Variants in C11orf71 observed in about 807,000 individuals in gnomAD.
C11orf71 encodes the protein chromosome 11 open reading frame 71, also known as uncharacterized protein C11orf71.
For synonymous variants in C11orf71, 72 were observed against 73.4 expected, an observed-to-expected ratio of 0.98 and a Z score of 0.09; for missense variants, 179 against 167.6, an observed-to-expected ratio of 1.07 and a Z score of -0.38.
intron 1 of C11orf71, among the ~76,000 whole-genome samples, chr11:114,392,821 G>C (rs12293751): frequency 1.3e-5 from 2 of 150,420 alleles, no homozygotes; most frequent in Non-Finnish European, 3.0e-5. Context: ...CCCCGTGCCA[G>C]ATCTGCCCAC....
At chr11:114,396,591 G>C (rs1411289594), downstream of C11orf71, among the ~76,000 whole-genome samples, 3 of 152,148 alleles carry the variant, frequency 2.0e-5, no homozygotes, top group Non-Finnish European at 4.4e-5. Context: ...ATTACAAAAA[G>C]ATAACATAAA....
chr11:114,391,642 A>G (rs1946073262), exon 2 of C11orf71: 2 of 1,520,744 alleles, frequency 1.3e-6, no homozygotes, highest in African/African-American at 2.8e-5. Flanking sequence ...GCAGACTCAG[A>G]TAGCTTCAGG....
chr11:114,400,320 G>T lies in C11orf71; in HGVS notation c.12C>A (p.Asn4Lys). 1.2e-6 allele frequency: 2 copies of T among 1,606,388 alleles called. No individual in the cohort carries two copies. The highest frequency in any genetic ancestry group is 1.7e-4 in the Middle Eastern group (1 of 6,034). ...GATCACCGGAGGACAGGGACACATT[G>T]TTCAGGGCCATATTCAAACACTGCC... MAL[N>K]NVSLSSGDQR... The change falls in exon 1 of 1, where the codon AAC (asparagine) becomes AAA (lysine). Residue 4 changes from asparagine to lysine, a missense_variant. Asn to Lys is a moderately conservative substitution (Grantham distance 94). Coordinates refer to ENST00000623205, the MANE Select transcript of C11orf71 (RefSeq NM_001271562.2).
In C11orf71 at chr11:114,400,406, C is replaced by G; in HGVS notation, c.-75G>C. On this transcript the variant is annotated 5_prime_UTR_variant, in exon 1 of 1. Coordinates refer to ENST00000623205, the MANE Select transcript of C11orf71 (RefSeq NM_001271562.2). ...GCCCTTCGCGGCTCCCCAGATCAGT[C>G]CAGCCTGTGTCGGACCCGATGACTA... 1.3e-6 allele frequency: 2 copies of G among 1,488,552 alleles called. No individual in the cohort carries two copies. The highest frequency in any genetic ancestry group is 2.4e-5 in the East Asian group (1 of 41,538). The allele number at this position is 1,488,552 out of a possible 1,614,324, so 92.2% of individuals were successfully genotyped here.
downstream of C11orf71, among the ~76,000 whole-genome samples, chr11:114,394,198 CT>C (rs750976526): frequency 2.6e-4 from 11 of 41,758 alleles, no homozygotes; most frequent in East Asian, 2.1e-3. Flanking sequence ...CTTTTCTTTT[CT>C]TTTCTTTTCT....
downstream of C11orf71, among the ~76,000 whole-genome samples, chr11:114,394,228 C>CCTTTCTTTTCTTTTCTTTTCT (rs1946101542): frequency 3.1e-4 from 15 of 48,704 alleles, no homozygotes; most frequent in Non-Finnish European, 4.4e-4. Context: ...CTTTTCTTTT[C>CCTTTCTTTTCTTTTCTTTTCT]TTTCTTTTCT....
At position 114,400,508 on chromosome 11, in the gene C11orf71, G is replaced by A. The variant is rs1228619517; in HGVS notation, c.-177C>T. The A allele has an allele frequency of 7.8e-7, 1 of 1,285,096 alleles. No individual in the cohort carries two copies. 79.6% of individuals were successfully genotyped at this position (1,285,096 alleles called of 1,614,324 possible). ...CCTTTAACGAGGGGTATCCTGGCGA[G>A]CATGCGCAGACCGTCCGCGCACGTC... On this transcript the variant is annotated 5_prime_UTR_variant, in exon 1 of 1. Transcript: ENST00000623205.
chr11:114,392,629 G>A (rs1368924645), intron 1 of C11orf71, among the ~76,000 whole-genome samples: 1 of 151,412 alleles, frequency 6.6e-6, no homozygotes, highest in African/African-American at 2.4e-5. Context: ...TACTGGGGAG[G>A]CTGAGGTGGC....
rs1946179559 is a variant in C11orf71 at position 114,400,475 on chromosome 11, C to A, written c.-144G>T. ...ACTGAGCCTGCGGAAGAGCCAGAAG[C>A]CGCCTTGCCTTTAACGAGGGGTATC... On this transcript the variant is annotated 5_prime_UTR_variant, in exon 1 of 1. Coordinates refer to ENST00000623205, the MANE Select transcript of C11orf71 (RefSeq NM_001271562.2). 3.8e-6 allele frequency: 5 copies of A among 1,303,226 alleles called. No homozygotes were observed. Among genetic ancestry groups the A allele is most frequent in the Non-Finnish European group, 5.2e-6 (5 of 965,170 alleles). The allele number at this position is 1,303,226 out of a possible 1,614,324, so 80.7% of individuals were successfully genotyped here.
chr11:114,392,888 A>G (rs1946084168), intron 1 of C11orf71, among the ~76,000 whole-genome samples: 1 of 152,110 alleles, frequency 6.6e-6, no homozygotes, highest in Non-Finnish European at 1.5e-5. Context: ...TACTCCCTCC[A>G]CCACTACATA....
downstream of C11orf71, among the ~76,000 whole-genome samples, chr11:114,396,039 C>T (rs570007436): frequency 5.9e-5 from 9 of 152,252 alleles, no homozygotes; most frequent in East Asian, 1.7e-3. Flanking sequence ...TACTACAGGC[C>T]CGACCAATCG....
chr11:114,394,227 T>TTTCCTTTCCTTTC (rs1946101288), downstream of C11orf71, among the ~76,000 whole-genome samples: 10 of 42,320 alleles, frequency 2.4e-4, no homozygotes, highest in Non-Finnish European at 2.0e-4. Flanking sequence ...TCTTTTCTTT[T>TTTCCTTTCCTTTC]CTTTCTTTTC....
chr11:114,391,700 A>G, intron 1 of C11orf71: 2 of 1,015,330 alleles, frequency 2.0e-6, no homozygotes, highest in Non-Finnish European at 2.9e-6. Flanking sequence ...ATAAGATGGC[A>G]GGGAGTGGTG....
downstream of C11orf71, among the ~76,000 whole-genome samples, chr11:114,394,227 T>TCTTTCCTTTCCTTTC (rs1565256493): frequency 3.8e-4 from 16 of 42,324 alleles, 1 homozygote; most frequent in Admixed American, 5.2e-4. Context: ...TCTTTTCTTT[T>TCTTTCCTTTCCTTTC]CTTTCTTTTC....
At position 114,400,227 on chromosome 11, in the gene C11orf71, C is replaced by T; in HGVS notation, c.105G>A (p.Met35Ile). The T allele has an allele frequency of 6.2e-7, 1 of 1,612,276 alleles. No individual in the cohort carries two copies. The highest frequency in any genetic ancestry group is 8.5e-7 in the Non-Finnish European group (1 of 1,179,212). ...AAACGAGGAAGCCGTCTCCGGAGAC[C>T]ATCGCCAACGCTGACGCCCGCGGTC... is the stretch of plus-strand genomic sequence containing the variant. ...DLRPRASALA[M>I]VSGDGFLVSR... The change falls in exon 1 of 1, where the codon ATG becomes ATA. Residue 35 changes from methionine (M) to isoleucine (I), a missense_variant. By Grantham distance (10) the Met-to-Ile change is conservative. Coordinates refer to ENST00000623205, the MANE Select transcript of C11orf71 (RefSeq NM_001271562.2).
At chr11:114,394,270 T>TC (rs1946109327), downstream of C11orf71, among the ~76,000 whole-genome samples, 1 of 76,112 alleles carries the variant, frequency 1.3e-5, no homozygotes, top group African/African-American at 7.6e-5. Context: ...TTCTTTTCTT[T>TC]TCTTTTCTTT....
downstream of C11orf71, among the ~76,000 whole-genome samples, chr11:114,396,391 G>A (rs1267210339): frequency 6.6e-6 from 1 of 152,122 alleles, no homozygotes; most frequent in Non-Finnish European, 1.5e-5. Context: ...TTTTTCAAAG[G>A]TGTATCTTGT....
downstream of C11orf71, among the ~76,000 whole-genome samples, chr11:114,394,250 TTC>T (rs1946105784): frequency 1.5e-5 from 1 of 66,700 alleles, no homozygotes; most frequent in Non-Finnish European, 2.5e-5. Flanking sequence ...TTCTTTTCTT[TTC>T]TTTTCTTTTC....
chr11:114,398,530 A>G (rs1391841402), downstream of C11orf71: 1 of 152,200 alleles, frequency 6.6e-6, no homozygotes, highest in Non-Finnish European at 1.5e-5. Context: ...AGGAACACAT[A>G]CTTTTATCAT....
Sources: gnomAD v4.1 joint callset for allele counts (sites outside exome capture counted in the v4.1 genomes callset) on GRCh38, gnomAD v4.1.1 for gene constraint, MANE v1.5 for transcripts, NCBI Gene and HGNC (gene_info 2026-07-23, HGNC 2026-07-21) for gene names.